Variants in FHIP1A observed in about 807,000 individuals in gnomAD.
FHIP1A encodes the protein FHF complex subunit HOOK-interacting protein 1A.
Under a neutral mutation model 88.6 loss-of-function variants are expected in FHIP1A, and 61 were observed. The ratio of observed to expected loss-of-function variants is 0.69; its 90% CI spans 0.56 to 0.85. The LOEUF is 0.85. FHIP1A is among the 40% of genes least tolerant of loss of function. FHIP1A has a pLI of 0.00. For missense variants in FHIP1A, 1,154 were observed against 1,273.5 expected (o/e 0.91, Z 1.43); for synonymous variants, 478 against 496.0 (o/e 0.96, Z 0.48).
chr4:151,527,336 A>T lies in FHIP1A; in HGVS notation c.-122-38802A>T, dbSNP rs867062709. On this transcript the variant is annotated intron_variant, in intron 3 of 13. Transcript: ENST00000435205. ...TAGGAGCTGGAGACCAGCCCGGCCA[A>T]CACAGCGAAACCCCGTCTCCACCAA... is the stretch of plus-strand genomic sequence containing the variant. 4.6e-5 allele frequency among the ~76,000 whole-genome samples: 7 copies of T among 152,356 alleles called. No homozygotes were observed. The South Asian group carries it at 1.4e-3, about 32-fold the overall frequency.
chr4:151,553,504 TA>T (rs1271177281), intron 3 of FHIP1A, among the ~76,000 whole-genome samples: 1 of 152,220 alleles, frequency 6.6e-6, no homozygotes, highest in African/African-American at 2.4e-5. Context: ...GATTAATATT[TA>T]GTGTTTTTTT....
intron 1 of FHIP1A, among the ~76,000 whole-genome samples, chr4:151,425,739 C>G (rs1212016896): frequency 6.6e-6 from 1 of 151,778 alleles, no homozygotes; most frequent in Non-Finnish European, 1.5e-5. Flanking sequence ...AGGGGAGAAT[C>G]CTTGCCTTTT....
chr4:151,458,288 G>A (rs551545298), intron 2 of FHIP1A, among the ~76,000 whole-genome samples: 6 of 152,184 alleles, frequency 3.9e-5, no homozygotes, highest in Admixed American at 3.9e-4. Context: ...AAGCTACTCA[G>A]AGTGTTGGCA....
At chr4:151,576,734 T>C (rs1370439776) in intron 4 of FHIP1A, 1 of 152,210 alleles carries the variant, frequency 6.6e-6, no homozygotes, top group African/African-American at 2.4e-5. Flanking sequence ...ATTCTACTAG[T>C]TGTATGTCTC....
chr4:151,552,219 C>T (rs1221343566), intron 3 of FHIP1A, among the ~76,000 whole-genome samples: 2 of 152,164 alleles, frequency 1.3e-5, no homozygotes, highest in African/African-American at 4.8e-5. Context: ...TGCTTTTCCA[C>T]TGTTGGTGGG....
In FHIP1A at chr4:151,650,279, G is replaced by T; in HGVS notation, c.2238G>T (p.Pro746=). ...GCTCTAACCTGACAGCCGCCCACCC[G>T]GAGAGCGAGGAGCTCATTGCCCAGT... The part of the protein sequence containing the change: ...EHSSNLTAAH[P]ESEELIAQYD... The change falls in exon 11 of 14, where the codon CCG becomes CCT. Residue 746 remains proline, a synonymous_variant. Coordinates refer to ENST00000435205, the MANE Select transcript of FHIP1A (RefSeq NM_001109977.3). The T allele has an allele frequency of 1.3e-6, 2 of 1,551,680 alleles. No homozygotes were observed. Among genetic ancestry groups the T allele is most frequent in the South Asian group, 1.2e-5 (1 of 84,050 alleles).
intron 7 of FHIP1A, among the ~76,000 whole-genome samples, chr4:151,616,887 A>G (rs891481441): frequency 3.3e-5 from 5 of 152,092 alleles, no homozygotes. Context: ...AGCTGGAACT[A>G]TAGACACGGG....
chr4:151,609,173 A>G (rs543298988), intron 7 of FHIP1A, among the ~76,000 whole-genome samples: 1 of 152,348 alleles, frequency 6.6e-6, no homozygotes, highest in Non-Finnish European at 1.5e-5. Flanking sequence ...GATGTCATGT[A>G]TATCACAGAA....
intron 3 of FHIP1A, among the ~76,000 whole-genome samples, chr4:151,555,151 C>A (rs1406452272): frequency 6.6e-6 from 1 of 152,130 alleles, no homozygotes; most frequent in Admixed American, 6.6e-5. Flanking sequence ...TGATCTTCTA[C>A]TGGTGTAGCT....
chr4:151,422,172 G>GA (rs1030218504), intron 1 of FHIP1A, among the ~76,000 whole-genome samples: 1 of 146,938 alleles, frequency 6.8e-6, no homozygotes, highest in South Asian at 2.1e-4. Flanking sequence ...AAATGGGAAA[G>GA]AAAAAAAAAG....
intron 2 of FHIP1A, among the ~76,000 whole-genome samples, chr4:151,462,608 A>G (rs1729178518): frequency 6.6e-6 from 1 of 152,214 alleles, no homozygotes; most frequent in Non-Finnish European, 1.5e-5. Context: ...TCATATATGC[A>G]TATTTCACTC....
chr4:151,488,979 A>G (rs1424166552), intron 3 of FHIP1A, among the ~76,000 whole-genome samples: 1 of 152,248 alleles, frequency 6.6e-6, no homozygotes. Context: ...CAGACAGAAC[A>G]GCATATGGAG....
rs1321693332 is a variant in FHIP1A, at chr4:151,577,478, C to T, written c.134C>T (p.Pro45Leu). Reference sequence around the variant, plus strand: ...GTGAAAATCTTGGAGAAGCACGACCCCTTGAAGAACACCCAGGCAAAATAT... The same window carrying T: ...GTGAAAATCTTGGAGAAGCACGACCTCTTGAAGAACACCCAGGCAAAATAT... Reference protein sequence around the residue: ...QVVKILEKHDPLKNTQAKYGS... With the variant: ...QVVKILEKHDLLKNTQAKYGS... Residue 45 changes from proline to leucine, a missense_variant, in exon 5 of 14, where the codon CCC becomes CTC. Transcript: ENST00000435205. 3.2e-6 allele frequency: 5 copies of T among 1,544,584 alleles called. No homozygotes were observed. The Admixed American group carries it at 9.9e-5, about 31-fold the overall frequency.
intron 3 of FHIP1A, 118 bp from the exon 4 acceptor site, chr4:151,566,020 A>T (rs1733372451): frequency 3.2e-6 from 1 of 317,300 alleles, no homozygotes; most frequent in African/African-American, 2.2e-5. Context: ...TCTGTTTTGT[A>T]GATTTTTTTC....
intron 3 of FHIP1A, among the ~76,000 whole-genome samples, chr4:151,538,348 A>G (rs533656954): frequency 6.6e-6 from 1 of 152,204 alleles, no homozygotes; most frequent in African/African-American, 2.4e-5. Flanking sequence ...TGCTTGGTAT[A>G]GGGCCTGGTA....
At chr4:151,606,753 GC>G (rs1244784305) in intron 7 of FHIP1A, among the ~76,000 whole-genome samples, 1 of 152,112 alleles carries the variant, frequency 6.6e-6, no homozygotes, top group African/African-American at 2.4e-5. Context: ...ATAATCTTGA[GC>G]TGTATTTGTT....
chr4:151,635,711 G>T (rs972380551), intron 8 of FHIP1A, among the ~76,000 whole-genome samples: 1 of 151,848 alleles, frequency 6.6e-6, no homozygotes, highest in Non-Finnish European at 1.5e-5. Flanking sequence ...TAAAATGATG[G>T]TTTCCAGGAG....
chr4:151,638,984 G>A (rs558342704), intron 9 of FHIP1A, among the ~76,000 whole-genome samples: 1 of 152,218 alleles, frequency 6.6e-6, no homozygotes, highest in African/African-American at 2.4e-5. Context: ...AGGGCCATAT[G>A]CATTATATTG....
intron 7 of FHIP1A, among the ~76,000 whole-genome samples, chr4:151,609,810 C>G (rs1735227136): frequency 6.6e-6 from 1 of 152,140 alleles, no homozygotes; most frequent in Non-Finnish European, 1.5e-5. Context: ...GGATCTATAT[C>G]ACCTTGGCCT....
Sources: gnomAD v4.1 joint callset for allele counts (sites outside exome capture counted in the v4.1 genomes callset) on GRCh38, gnomAD v4.1.1 for gene constraint, MANE v1.5 for transcripts, NCBI Gene and HGNC (gene_info 2026-07-23, HGNC 2026-07-21) for gene names.